ZNF521: variants seen among roughly 807,000 people sequenced by gnomAD.
ZNF521 encodes LYST-interacting protein 3.
In ZNF521, 14 loss-of-function variants were observed where a neutral mutation model predicts 105.5. The ratio of observed to expected loss-of-function variants is 0.13; its 90% CI spans 0.09 to 0.21. The LOEUF (loss-of-function observed/expected upper bound fraction) is 0.21. Ranked by LOEUF, ZNF521 falls within the 10% of genes least tolerant of loss-of-function variation. The pLI is 1.00. For synonymous variants in ZNF521, 635 were observed against 606.0 expected (o/e 1.05, Z -0.70); for missense variants, 1,233 against 1,629.7 (o/e 0.76, Z 4.19).
intron 5 of ZNF521, among the ~76,000 whole-genome samples, chr18:25,129,245 G>T (rs537716284): frequency 1.2e-5 from 1 of 86,146 alleles, no homozygotes; most frequent in Non-Finnish European, 2.5e-5. Context: ...ACTTTCACAC[G>T]GAATAATAAT....
At chr18:25,072,758 C>T (rs550895679) in intron 7 of ZNF521, among the ~76,000 whole-genome samples, 2 of 152,258 alleles carry the variant, frequency 1.3e-5, no homozygotes, top group East Asian at 1.9e-4. Flanking sequence ...AGGATTCCAG[C>T]GTACTGTGGG....
At chr18:25,270,086 A>C (rs1332235721) in intron 3 of ZNF521, among the ~76,000 whole-genome samples, 1 of 152,206 alleles carries the variant, frequency 6.6e-6, no homozygotes, top group African/African-American at 2.4e-5. Flanking sequence ...CACAATAAAA[A>C]ACGATAATGG....
chr18:25,086,044 C>T (rs991361098), intron 7 of ZNF521, among the ~76,000 whole-genome samples: 3 of 151,990 alleles, frequency 2.0e-5, no homozygotes, highest in Non-Finnish European at 2.9e-5. Flanking sequence ...TGTGAAAAGT[C>T]CTTATTTCTG....
intron 3 of ZNF521, among the ~76,000 whole-genome samples, chr18:25,278,684 C>T (rs1910187091): frequency 6.6e-6 from 1 of 152,160 alleles, no homozygotes; most frequent in Admixed American, 6.5e-5. Context: ...AAAGAAATTG[C>T]ACTGTAATTT....
At chr18:25,192,177 G>A (rs1181239620) in intron 5 of ZNF521, among the ~76,000 whole-genome samples, 2 of 152,172 alleles carry the variant, frequency 1.3e-5, no homozygotes, top group South Asian at 2.1e-4. Context: ...CTGTCAAAAT[G>A]TGGTGAAGAG....
rs1438929403 is a variant in ZNF521, at chr18:25,200,785, T to C, written c.3574-5541A>G. On this transcript the variant is annotated intron_variant, in intron 4 of 7. Transcript: ENST00000361524. ...CAAAGCTTTTATTTAAAATGACTAT[T>C]TTTCATTTCCAACATTTCTAGTTTT... Among the ~76,000 whole-genome samples the C allele has an allele frequency of 3.3e-5, 5 of 152,222 alleles. No individual in the cohort carries two copies. The East Asian group carries it at 9.7e-4, about 29-fold the overall frequency.
intron 5 of ZNF521, among the ~76,000 whole-genome samples, chr18:25,189,740 C>G (rs2035786661): frequency 6.6e-6 from 1 of 152,206 alleles, no homozygotes; most frequent in African/African-American, 2.4e-5. Flanking sequence ...GGCTGGTTTA[C>G]AAATCATGCA....
Position 25,224,351 on chromosome 18 carries a change from C to T in ZNF521, c.3567G>A (p.Ser1189=), listed in dbSNP as rs151163286. ...SPMPRISPSQ[S]DEKKTYQCIK... is the part of the protein sequence containing the mutation. ...ATTAAAAAAGGCGAGTTACCTCATC[C>T]GACTGGGAGGGACTGATTCTGGGCA... The change falls in exon 4 of 8, where the codon TCG becomes TCA. Residue 1189 remains serine (S), a synonymous_variant. Coordinates refer to ENST00000361524, the MANE Select transcript of ZNF521 (RefSeq NM_015461.3). The T allele has an allele frequency of 1.8e-4, 287 of 1,603,268 alleles. 2 individuals are homozygous for T. Among genetic ancestry groups the T allele is most frequent in the South Asian group, 3.5e-4 (32 of 90,770 alleles).
intron 5 of ZNF521, among the ~76,000 whole-genome samples, chr18:25,109,721 A>G (rs1459502236): frequency 6.6e-6 from 1 of 152,100 alleles, no homozygotes; most frequent in African/African-American, 2.4e-5. Context: ...GCATTTTTGC[A>G]TGTTTCCTGG....
Position 25,227,166 on chromosome 18 carries a change from C to T in ZNF521, c.752G>A (p.Cys251Tyr). The T allele has an allele frequency of 1.9e-6, 3 of 1,614,178 alleles. No individual in the cohort carries two copies. Among genetic ancestry groups the T allele is most frequent in the Non-Finnish European group, 2.5e-6 (3 of 1,180,020 alleles). Residue 251 changes from cysteine to tyrosine, a missense_variant, in exon 4 of 8, where the codon TGT (cysteine) becomes TAT (tyrosine). Coordinates refer to ENST00000361524, the MANE Select transcript of ZNF521 (RefSeq NM_015461.3). This position sits in a 1 kb window ranked among gnomAD's most constrained non-coding sequence, Gnocchi z 5.7. ...KMKDTQKCSQ[C>Y]EEGFDFPEDL... ...TTCCGGGAAGTCAAAGCCTTCCTCA[C>T]ACTGACTGCACTTCTGAGTGTCCTT...
chr18:25,327,468 G>A (rs1913287303), intron 2 of ZNF521: 1 of 1,169,416 alleles, frequency 8.6e-7, no homozygotes, highest in African/African-American at 1.6e-5. Context: ...AAATCAGAGA[G>A]TATCTGTTTA....
intron 4 of ZNF521, among the ~76,000 whole-genome samples, chr18:25,215,113 T>C (rs374981752): frequency 6.6e-6 from 1 of 152,308 alleles, no homozygotes; most frequent in Non-Finnish European, 1.5e-5. Context: ...TGAAACTTCA[T>C]ATTTTGCTTA....
At chr18:25,116,634 G>T (rs1295924545) in intron 5 of ZNF521, among the ~76,000 whole-genome samples, 2 of 151,864 alleles carry the variant, frequency 1.3e-5, no homozygotes, top group African/African-American at 4.8e-5. Flanking sequence ...TCAACCTGAA[G>T]GCATTAGCAT....
intron 3 of ZNF521, among the ~76,000 whole-genome samples, chr18:25,243,301 G>A (rs141919843): frequency 2.3e-3 from 355 of 152,004 alleles, no homozygotes; most frequent in African/African-American, 7.9e-3. Context: ...CTCAATTTAC[G>A]TCTACTCAAT....
chr18:25,110,113 G>A (rs2034154969), intron 5 of ZNF521, among the ~76,000 whole-genome samples: 1 of 152,228 alleles, frequency 6.6e-6, no homozygotes, highest in Non-Finnish European at 1.5e-5. Context: ...GCTTCCAGGA[G>A]TGTGTTTAGA....
At chr18:25,098,462 A>T (rs1406552482) in intron 5 of ZNF521, among the ~76,000 whole-genome samples, 1 of 152,084 alleles carries the variant, frequency 6.6e-6, no homozygotes. Flanking sequence ...TTAAAAAAAA[A>T]CTGCAAACAC....
intron 7 of ZNF521, among the ~76,000 whole-genome samples, chr18:25,074,227 T>A (rs2033303601): frequency 6.6e-6 from 1 of 152,226 alleles, no homozygotes; most frequent in Admixed American, 6.5e-5. Flanking sequence ...TTTCTGTCTC[T>A]CTGGGGACTT....
At chr18:25,063,454 T>C (rs888405495) in intron 7 of ZNF521, among the ~76,000 whole-genome samples, 1 of 152,158 alleles carries the variant, frequency 6.6e-6, no homozygotes, top group Admixed American at 6.5e-5. Context: ...GTGCTGTATA[T>C]TGGTGGTCCC....
At chr18:25,063,327 GC>G (rs968850185) in intron 7 of ZNF521, among the ~76,000 whole-genome samples, 5 of 152,154 alleles carry the variant, frequency 3.3e-5, no homozygotes, top group African/African-American at 9.7e-5. Context: ...AGTGGGAGCA[GC>G]CCCCCTCCTG....
Sources: gnomAD v4.1 joint callset for allele counts (sites outside exome capture counted in the v4.1 genomes callset) on GRCh38, gnomAD v4.1.1 for gene constraint, Gnocchi (gnomAD v3.1) non-coding constraint, MANE v1.5 for transcripts, NCBI Gene and HGNC (gene_info 2026-07-23, HGNC 2026-07-21) for gene names.